Variants in BBS9 observed in about 807,000 individuals in gnomAD.
The protein encoded by BBS9 is Bardet-Biedl syndrome 9.
Under a neutral mutation model 117.7 loss-of-function variants are expected in BBS9, and 89 were observed. The observed-to-expected ratio is 0.76, with a 90% CI of 0.64 to 0.90. The LOEUF (loss-of-function observed/expected upper bound fraction) is 0.90. Among genes scored for constraint, BBS9 ranks in the 40% least tolerant of loss-of-function variants. The probability of loss-of-function intolerance (pLI) is 0.00; values close to 1 mark genes in which losing one functional copy is unlikely to be tolerated. For synonymous variants in BBS9, 379 were observed against 370.9 expected (o/e 1.02, Z -0.25); for missense variants, 982 against 1,042.2 (o/e 0.94, Z 0.80).
chr7:33,132,542 C>T (rs192287725), intron 1 of BBS9, among the ~76,000 whole-genome samples: 5 of 152,168 alleles, frequency 3.3e-5, no homozygotes, highest in Admixed American at 3.3e-4. Flanking sequence ...ATGCAAACCT[C>T]GGTTCCTTAT....
At chr7:33,393,166 A>AAAACAAAC (rs752090932) in intron 19 of BBS9, among the ~76,000 whole-genome samples, 2 of 152,130 alleles carry the variant, frequency 1.3e-5, no homozygotes, top group East Asian at 1.9e-4. Context: ...ACCCTGTCTC[A>AAAACAAAC]AAACAAACAA....
At chr7:33,467,763 C>A (rs1840400393) in intron 19 of BBS9, among the ~76,000 whole-genome samples, 1 of 151,998 alleles carries the variant, frequency 6.6e-6, no homozygotes, top group South Asian at 2.1e-4. Flanking sequence ...TGATATGGAT[C>A]TTTTAGTGTG....
intron 21 of BBS9, among the ~76,000 whole-genome samples, chr7:33,537,845 A>G (rs1306546492): frequency 1.3e-5 from 2 of 152,250 alleles, no homozygotes; most frequent in Non-Finnish European, 1.5e-5. Context: ...AACTTAATGT[A>G]TACATGAGTG....
intron 21 of BBS9, among the ~76,000 whole-genome samples, chr7:33,594,161 T>C (rs1234804536): frequency 1.3e-5 from 2 of 152,162 alleles, no homozygotes; most frequent in Non-Finnish European, 2.9e-5. Context: ...AGACACATGC[T>C]GGACCTCTTA....
chr7:33,364,400 G>C lies in BBS9; in HGVS notation c.1694-3367G>C, dbSNP rs565599898. Reference sequence around the variant, plus strand: ...CCCACATTTTATGTTTTGATGTCATGAGTTTCTTATATCTGGATATTTATA... The same window carrying C: ...CCCACATTTTATGTTTTGATGTCATCAGTTTCTTATATCTGGATATTTATA... On this transcript the variant is annotated intron_variant, in intron 16 of 22. Transcript: ENST00000242067. Among the ~76,000 whole-genome samples the C allele has an allele frequency of 1.5e-3, 230 of 152,138 alleles. 1 individual carries two copies. Among genetic ancestry groups the C allele is most frequent in the African/African-American group, 5.1e-3 (211 of 41,520 alleles).
chr7:33,465,527 A>G (rs536420419), intron 19 of BBS9, among the ~76,000 whole-genome samples: 28 of 152,278 alleles, frequency 1.8e-4, no homozygotes, highest in African/African-American at 6.7e-4. Context: ...ATAAATATTA[A>G]CGGATTTCAG....
chr7:33,167,540 T>C (rs1795894222), intron 4 of BBS9, among the ~76,000 whole-genome samples: 1 of 151,888 alleles, frequency 6.6e-6, no homozygotes, highest in Admixed American at 6.6e-5. Flanking sequence ...GTGGCTGGGA[T>C]TGCAGGTGCC....
intron 20 of BBS9, among the ~76,000 whole-genome samples, chr7:33,526,854 C>G (rs1849594058): frequency 6.6e-6 from 1 of 151,602 alleles, no homozygotes; most frequent in African/African-American, 2.4e-5. Flanking sequence ...TTTTTCTGTT[C>G]TGTTTTTTCC....
intron 12 of BBS9, 81 bp downstream of exon 12, chr7:33,344,715 G>A (rs190252031): frequency 2.2e-4 from 308 of 1,386,634 alleles, no homozygotes; most frequent in Non-Finnish European, 3.0e-4. Context: ...GAACTTGTAA[G>A]TAGCTTACAG....
intron 5 of BBS9, among the ~76,000 whole-genome samples, chr7:33,205,539 C>A (rs939168242): frequency 1.3e-5 from 2 of 152,048 alleles, no homozygotes; most frequent in African/African-American, 4.8e-5. Context: ...AGTGGGAAAC[C>A]GATACTTTAG....
intron 19 of BBS9, among the ~76,000 whole-genome samples, chr7:33,429,878 CTG>C (rs143092314): frequency 0.018 from 2,763 of 152,194 alleles, 83 homozygotes; most frequent in African/African-American, 0.063. Flanking sequence ...GTTTTGTTAA[CTG>C]TTTGAATTTC....
chr7:33,375,492 G>T (rs1225007896), intron 17 of BBS9, among the ~76,000 whole-genome samples: 1 of 151,584 alleles, frequency 6.6e-6, no homozygotes, highest in Non-Finnish European at 1.5e-5. Flanking sequence ...ATAAATCTTG[G>T]ACTCATTGAT....
chr7:33,261,993 A>C (rs1364598163), intron 6 of BBS9, among the ~76,000 whole-genome samples: 1 of 152,210 alleles, frequency 6.6e-6, no homozygotes, highest in Non-Finnish European at 1.5e-5. Context: ...CAGAATTTCC[A>C]AATCTGCTTG....
intron 5 of BBS9, among the ~76,000 whole-genome samples, chr7:33,250,409 A>G (rs1297684438): frequency 6.6e-5 from 10 of 152,170 alleles, no homozygotes. Flanking sequence ...AGACTCTTTG[A>G]GTATGGTTCA....
chr7:33,632,275 A>G (rs1865925663), intron 21 of BBS9, among the ~76,000 whole-genome samples: 1 of 152,188 alleles, frequency 6.6e-6, no homozygotes, highest in African/African-American at 2.4e-5. Flanking sequence ...CAGCAGCAGC[A>G]GCGCCCCCTG....
intron 19 of BBS9, among the ~76,000 whole-genome samples, chr7:33,410,183 GA>G (rs1391832425): frequency 2.6e-5 from 4 of 152,148 alleles, no homozygotes; most frequent in African/African-American, 7.2e-5. Context: ...AGACCTCAGA[GA>G]AAAATGTGTG....
chr7:33,333,519 T>G (rs2128618431), intron 9 of BBS9, among the ~76,000 whole-genome samples: 1 of 151,682 alleles, frequency 6.6e-6, no homozygotes, highest in Non-Finnish European at 1.5e-5. Flanking sequence ...CAAAAGAAGA[T>G]TTTTTTTTCT....
At chr7:33,417,716 G>A (rs1832235998) in intron 19 of BBS9, among the ~76,000 whole-genome samples, 1 of 152,168 alleles carries the variant, frequency 6.6e-6, no homozygotes, top group South Asian at 2.1e-4. Context: ...ATCAGAGTGA[G>A]TTTTCATGTC....
chr7:33,137,307 G>A (rs772740135), intron 1 of BBS9, among the ~76,000 whole-genome samples: 1 of 152,086 alleles, frequency 6.6e-6, no homozygotes, highest in Non-Finnish European at 1.5e-5. Flanking sequence ...CAAACTGCAG[G>A]GGCAGGGGTG....
Sources: gnomAD v4.1 joint callset for allele counts (sites outside exome capture counted in the v4.1 genomes callset) on GRCh38, gnomAD v4.1.1 for gene constraint, MANE v1.5 for transcripts, NCBI Gene and HGNC (gene_info 2026-07-23, HGNC 2026-07-21) for gene names.